HEATR1: variants seen among roughly 807,000 people sequenced by gnomAD.
The protein encoded by HEATR1 is HEAT repeat-containing protein 1.
In HEATR1, 77 loss-of-function variants were observed where a neutral mutation model predicts 248.2. The observed-to-expected ratio is 0.31, with a 90% CI of 0.26 to 0.37. The LOEUF (loss-of-function observed/expected upper bound fraction) is 0.37. Ranked by LOEUF, HEATR1 falls within the 10% of genes least tolerant of loss-of-function variation. The probability of loss-of-function intolerance (pLI) is 1.00; values close to 1 mark genes in which losing one functional copy is unlikely to be tolerated. For missense variants in HEATR1, 2,420 were observed against 2,504.9 expected (o/e 0.97, Z 0.72); for synonymous variants, 897 against 923.1 (o/e 0.97, Z 0.51).
intron 31 of HEATR1, 124 bp downstream of exon 31, chr1:236,565,795 C>T: frequency 1.1e-6 from 1 of 951,856 alleles, no homozygotes; most frequent in Non-Finnish European, 1.5e-6. Context: ...ACTACACAAT[C>T]AAATTAAAAT....
At chr1:236,557,837 T>TA (rs1465214751) in intron 36 of HEATR1, among the ~76,000 whole-genome samples, 1 of 152,214 alleles carries the variant, frequency 6.6e-6, no homozygotes, top group African/African-American at 2.4e-5. Context: ...TTGACTATAC[T>TA]AGACAAAAGG....
At position 236,549,182 on chromosome 1, in the gene HEATR1, A is replaced by G. The variant is rs746162309; in HGVS notation, c.*1720T>C. 2 of 393,186 alleles carry G rather than the reference A, an allele frequency of 5.1e-6. No individual in the cohort carries two copies. Among genetic ancestry groups the G allele is most frequent in the South Asian group, 1.4e-4 (1 of 6,982 alleles). The allele number at this position is 393,186 out of a possible 1,614,324, so 24.4% of individuals were successfully genotyped here. ...CACCAATCAAGGCCTCCGTTCTTCTAAAGATTAGTCCATCATCATTAGCAA... is the reference window on the plus strand; with the variant it reads ...CACCAATCAAGGCCTCCGTTCTTCTGAAGATTAGTCCATCATCATTAGCAA... On this transcript the variant is annotated 3_prime_UTR_variant, in exon 45 of 45. Transcript: ENST00000366582.
chr1:236,564,490 C>T lies in HEATR1; in HGVS notation c.4599+8G>A. 1.9e-6 allele frequency: 3 copies of T among 1,611,672 alleles called. No individual in the cohort carries two copies. Among genetic ancestry groups the T allele is most frequent in the Non-Finnish European group, 1.7e-6 (2 of 1,179,186 alleles). ...CCTTTTTATAAACACATTTAAAGAA[C>T]ACATTACCTTTTTCAGAAAATTATT... On this transcript the variant is annotated splice_region_variant and intron_variant, in intron 32 of 44. Transcript: ENST00000366582.
At chr1:236,565,124 C>T (rs527858745) in intron 31 of HEATR1, among the ~76,000 whole-genome samples, 1 of 152,312 alleles carries the variant, frequency 6.6e-6, no homozygotes, top group Admixed American at 6.5e-5. Context: ...CCTCCCTCGT[C>T]TGTCCCTGCC....
At chr1:236,590,710 T>C (rs1223687317) in intron 12 of HEATR1, 137 bp downstream of exon 12, 3 of 407,490 alleles carry the variant, frequency 7.4e-6, no homozygotes, top group Non-Finnish European at 1.3e-5. Context: ...TAAATATTAG[T>C]CTAAGGTACT....
intron 35 of HEATR1, 47 bp downstream of exon 35, chr1:236,558,948 G>T: frequency 6.6e-7 from 1 of 1,505,710 alleles, no homozygotes; most frequent in South Asian, 1.3e-5. Context: ...GCAGCTCTTT[G>T]ATAAAGCAAA....
intron 28 of HEATR1, among the ~76,000 whole-genome samples, chr1:236,570,248 C>T (rs1303471461): frequency 1.3e-5 from 2 of 152,196 alleles, no homozygotes; most frequent in African/African-American, 2.4e-5. Context: ...GAGATCGCGC[C>T]ACTGCACTCC....
At chr1:236,593,683 G>A (rs1286318959) in intron 9 of HEATR1, among the ~76,000 whole-genome samples, 2 of 150,248 alleles carry the variant, frequency 1.3e-5, no homozygotes, top group African/African-American at 2.5e-5. Flanking sequence ...CATTTACTGC[G>A]TTTTAATTGT....
At chr1:236,559,198 A>G (rs1663057544) in intron 34 of HEATR1, 63 bp from the exon 35 acceptor site, 1 of 1,355,602 alleles carries the variant, frequency 7.4e-7, no homozygotes, top group East Asian at 2.5e-5. Context: ...ACCAACTTCA[A>G]TTAAGACAGA....
intron 3 of HEATR1, among the ~76,000 whole-genome samples, chr1:236,601,378 C>G (rs1307202040): frequency 6.6e-6 from 1 of 152,090 alleles, no homozygotes; most frequent in Non-Finnish European, 1.5e-5. Context: ...TCCCAAGTAG[C>G]TAGAATTACA....
chr1:236,583,054 T>G lies in HEATR1; in HGVS notation c.2384A>C (p.Lys795Thr). 6.2e-7 allele frequency: 1 copy of G among 1,614,116 alleles called. No individual in the cohort carries two copies. ...DSVFLVFSLK[K>T]FIYALKAPKS... is the part of the protein sequence containing the mutation. ...AGGAGCTTTCAGTGCATAAATAAAT[T>G]TTTTCAAGGAAAATACAAGAAAAAC... Residue 795 changes from lysine to threonine, a missense_variant, in exon 18 of 45, where the codon AAA becomes ACA. Lys to Thr is a moderately conservative substitution (Grantham distance 78). Coordinates refer to ENST00000366582, the MANE Select transcript of HEATR1 (RefSeq NM_018072.6).
At chr1:236,570,138 A>C (rs919326057) in intron 28 of HEATR1, among the ~76,000 whole-genome samples, 4 of 152,088 alleles carry the variant, frequency 2.6e-5, no homozygotes, top group African/African-American at 9.7e-5. Context: ...AATACAAAAA[A>C]ATTAGCCGGG....
At chr1:236,597,699 TAAA>T (rs5781901) in intron 5 of HEATR1, among the ~76,000 whole-genome samples, 176 bp downstream of exon 5, 7 of 146,222 alleles carry the variant, frequency 4.8e-5, no homozygotes, top group Non-Finnish European at 7.5e-5. Flanking sequence ...GACTGATTCT[TAAA>T]AAAAAAAAAA....
At position 236,583,001 on chromosome 1, in the gene HEATR1, C is replaced by T. The variant is rs1381816962; in HGVS notation, c.2425+12G>A. 2.5e-6 allele frequency: 4 copies of T among 1,612,264 alleles called. No individual in the cohort carries two copies. Among genetic ancestry groups the T allele is most frequent in the Non-Finnish European group, 3.4e-6 (4 of 1,178,748 alleles). On this transcript the variant is annotated intron_variant, in intron 18 of 44. Coordinates refer to ENST00000366582, the MANE Select transcript of HEATR1 (RefSeq NM_018072.6). ...AGTATCACATTTAAAAGATTCACAG[C>T]TTGTATCTTACCTTTAGGAAAAGAT...
At chr1:236,566,267 T>G (rs1364603449) in intron 30 of HEATR1, among the ~76,000 whole-genome samples, 1 of 152,190 alleles carries the variant, frequency 6.6e-6, no homozygotes, top group Admixed American at 6.5e-5. Context: ...GTTTGTGTCT[T>G]ACTGACTTCA....
chr1:236,578,906 A>G (rs1572043701), intron 20 of HEATR1, among the ~76,000 whole-genome samples: 1 of 152,214 alleles, frequency 6.6e-6, no homozygotes, highest in South Asian at 2.1e-4. Flanking sequence ...TTTTAAAAAG[A>G]TGTCTTTGGA....
chr1:236,581,349 G>T lies in HEATR1; in HGVS notation c.2628C>A (p.Ser876Arg). Residue 876 changes from serine to arginine, a missense_variant, in exon 20 of 45, where the codon AGC becomes AGA. Ser to Arg is a moderately radical substitution (Grantham distance 110). Coordinates refer to ENST00000366582, the MANE Select transcript of HEATR1 (RefSeq NM_018072.6). Reference protein sequence around the residue: ...FCSVLWTYGSSLSNPLNCSVK... With the variant: ...FCSVLWTYGSRLSNPLNCSVK... The stretch of plus-strand genomic sequence containing the variant: ...CACTGCAGTTTAGTGGATTTGAAAG[G>T]CTAGAACCATAGGTCCATAAAACAG... 1 of 1,609,300 alleles carries T rather than the reference G, an allele frequency of 6.2e-7. No homozygotes were observed. The highest frequency in any genetic ancestry group is 8.5e-7 in the Non-Finnish European group (1 of 1,178,596).
intron 15 of HEATR1, 115 bp from the exon 16 acceptor site, chr1:236,586,056 C>A: frequency 7.3e-7 from 1 of 1,370,310 alleles, no homozygotes; most frequent in Non-Finnish European, 1.0e-6. Flanking sequence ...TTCTATTTTT[C>A]CTTGTATCCG....
chr1:236,574,807 G>A lies in HEATR1; in HGVS notation c.3181C>T (p.His1061Tyr), dbSNP rs751525354. ...AVLKDEAMVLHLTLGKYNEFS... is the reference protein window; with the variant it reads ...AVLKDEAMVLYLTLGKYNEFS... ...TCATTATACTTTCCCAGAGTGAGATGCAGAACCATGGCCTCATCTTTCAGC... is the reference window on the plus strand; with the variant it reads ...TCATTATACTTTCCCAGAGTGAGATACAGAACCATGGCCTCATCTTTCAGC... The change falls in exon 23 of 45, where the codon CAT becomes TAT. Residue 1061 changes from histidine (H) to tyrosine (Y), a missense_variant. Transcript: ENST00000366582. 2.5e-6 allele frequency: 4 copies of A among 1,614,010 alleles called. No homozygotes were observed. In the South Asian group the frequency reaches 4.4e-5, roughly 18 times the overall value.
Sources: allele counts gnomAD v4.1 joint callset (sites outside exome capture counted in the v4.1 genomes callset), GRCh38; gene constraint gnomAD v4.1.1; transcripts MANE v1.5; gene names NCBI Gene and HGNC (gene_info 2026-07-23, HGNC 2026-07-21).